Variants in SLC17A4 observed in about 807,000 individuals in gnomAD.
The protein encoded by SLC17A4 is solute carrier family 17 member 4, also known as probable small intestine urate exporter.
Under a neutral mutation model 52.5 loss-of-function variants are expected in SLC17A4, and 33 were observed. The ratio of observed to expected loss-of-function variants is 0.63; its 90% CI spans 0.48 to 0.84. SLC17A4 has a LOEUF of 0.84. Ranked by LOEUF, SLC17A4 falls within the 40% of genes least tolerant of loss-of-function variation. SLC17A4 has a pLI of 0.00. For synonymous variants in SLC17A4, 225 were observed against 216.2 expected, an observed-to-expected ratio of 1.04 and a Z score of -0.36; for missense variants, 585 against 597.1, an observed-to-expected ratio of 0.98 and a Z score of 0.21.
intron 2 of SLC17A4, among the ~76,000 whole-genome samples, chr6:25,763,018 T>A (rs1404416622): frequency 6.6e-6 from 1 of 152,234 alleles, no homozygotes; most frequent in Non-Finnish European, 1.5e-5. Flanking sequence ...ATCAGAATGC[T>A]TGAGTTTCCA....
In SLC17A4 at chr6:25,772,465, C is replaced by A. The variant is rs575103760; in HGVS notation, c.707-810C>A. 4.6e-4 allele frequency among the ~76,000 whole-genome samples: 70 copies of A among 152,130 alleles called. No homozygotes were observed. In the Middle Eastern group the frequency reaches 0.01, roughly 22 times the overall value. On this transcript the variant is annotated intron_variant, in intron 6 of 11. Transcript: ENST00000377905. ...TGTGAAGGAATTTGTAAATGACATG[C>A]TAGCCAAACAAAGAGAGCTCATAAG...
intron 1 of SLC17A4, among the ~76,000 whole-genome samples, chr6:25,761,048 G>A (rs192239716): frequency 6.6e-5 from 10 of 152,240 alleles, no homozygotes; most frequent in African/African-American, 2.2e-4. Context: ...GTAATTCTGT[G>A]TAATCTGTTT....
rs1158747843 is a variant in SLC17A4, at chr6:25,779,117, GT to G, written c.1427del (p.Phe476SerfsTer59). The stretch of plus-strand genomic sequence containing the variant: ...AGCTGCTGTTAACATATCGGGCCTG[GT>G]TTTCTACCTCATCTTTGGCCGAGCA... ...LSAAVNISGL[V>X]FYLIFGRADV... is the part of the protein sequence containing the mutation. On this transcript the variant is annotated frameshift_variant, in exon 12 of 12. Coordinates refer to ENST00000377905, the MANE Select transcript of SLC17A4 (RefSeq NM_005495.3). LOFTEE classifies it high-confidence loss of function. 6.2e-7 allele frequency: 1 copy of G among 1,613,806 alleles called. No homozygotes were observed. Among genetic ancestry groups the G allele is most frequent in the Non-Finnish European group, 8.5e-7 (1 of 1,179,854 alleles).
intron 7 of SLC17A4, 24 bp downstream of exon 7, chr6:25,773,417 A>G (rs943545693): frequency 6.2e-7 from 1 of 1,612,536 alleles, no homozygotes; most frequent in Non-Finnish European, 8.5e-7. Flanking sequence ...CTCCTCTGAC[A>G]TTTCTCTATG....
chr6:25,764,596 C>T (rs1024739849), intron 2 of SLC17A4, among the ~76,000 whole-genome samples: 3 of 152,212 alleles, frequency 2.0e-5, no homozygotes, highest in Admixed American at 6.5e-5. Context: ...AACTCCCATC[C>T]TTGAGGCAGG....
Position 25,779,108 on chromosome 6 carries a change from T to C in SLC17A4, c.1414T>C (p.Ser472Pro). ...CTTGCTTTCAGCTGCTGTTAACATATCGGGCCTGGTTTTCTACCTCATCTT... is the reference window on the plus strand; with the variant it reads ...CTTGCTTTCAGCTGCTGTTAACATACCGGGCCTGGTTTTCTACCTCATCTT... ...VFLLSAAVNI[S>P]GLVFYLIFGR... is the part of the protein sequence containing the mutation. The change falls in exon 12 of 12, where the codon TCG becomes CCG. Residue 472 changes from serine (S) to proline (P), a missense_variant. Physicochemically the swap from Ser to Pro is moderately conservative, Grantham distance 74 (BLOSUM62 -1). Coordinates refer to ENST00000377905, the MANE Select transcript of SLC17A4 (RefSeq NM_005495.3). 6.2e-7 allele frequency: 1 copy of C among 1,613,894 alleles called. No homozygotes were observed. The highest frequency in any genetic ancestry group is 1.3e-5 in the African/African-American group (1 of 75,032).
Position 25,777,912 on chromosome 6 carries a change from T to G in SLC17A4, c.1269-14T>G, listed in dbSNP as rs372421248. ...TATACTTGGTTATAATAGAGTACCA[T>G]CTCTCTCTCTCAGGTACACTGGCTT... On this transcript the variant is annotated splice_polypyrimidine_tract_variant and intron_variant, in intron 10 of 11. Transcript: ENST00000377905. 1 of 1,555,280 alleles carries G rather than the reference T, an allele frequency of 6.4e-7. No homozygotes were observed. The highest frequency in any genetic ancestry group is 1.4e-5 in the African/African-American group (1 of 73,570).
intron 1 of SLC17A4, among the ~76,000 whole-genome samples, chr6:25,761,318 C>G (rs977883207): frequency 3.3e-5 from 5 of 152,166 alleles, no homozygotes; most frequent in South Asian, 2.1e-4. Flanking sequence ...ATTAGAATCT[C>G]CCTTATAATC....
chr6:25,774,847 T>C (rs2151455029), intron 8 of SLC17A4, among the ~76,000 whole-genome samples: 1 of 152,336 alleles, frequency 6.6e-6, no homozygotes, highest in Middle Eastern at 3.4e-3. Flanking sequence ...CAAAGTCACA[T>C]AACCTTGACA....
In SLC17A4 at chr6:25,776,869, G is replaced by C. The variant is rs1241177534; in HGVS notation, c.1178G>C (p.Ser393Thr). 2.5e-6 allele frequency: 4 copies of C among 1,613,954 alleles called. No homozygotes were observed. Among genetic ancestry groups the C allele is most frequent in the Admixed American group, 1.7e-5 (1 of 59,986 alleles). The part of the protein sequence containing the change: ...VSLPWVRSSH[S>T]MTMTFLVLSS... The stretch of plus-strand genomic sequence containing the variant: ...CTGCCCTGGGTCAGATCCAGCCACA[G>C]CATGACCATGACCTTCTTGGTGCTG... The change falls in exon 10 of 12, where the codon AGC (serine) becomes ACC (threonine). Residue 393 changes from serine to threonine, a missense_variant. Coordinates refer to ENST00000377905, the MANE Select transcript of SLC17A4 (RefSeq NM_005495.3).
At chr6:25,778,137 T>C in intron 11 of SLC17A4, 121 bp downstream of exon 11, 1 of 644,070 alleles carries the variant, frequency 1.6e-6, no homozygotes, top group Non-Finnish European at 2.6e-6. Flanking sequence ...TAAACTAATT[T>C]ACATGATGAC....
chr6:25,769,150 A>T lies in SLC17A4; in HGVS notation c.257A>T (p.Gln86Leu). ...ASTERPSTDSQGYWNETLKEF... is the reference protein window; with the variant it reads ...ASTERPSTDSLGYWNETLKEF... ...ACAGAACGGCCCTCCACTGACTCCC[A>T]GGGCTACTGGAATGAAACTCTAAAA... Residue 86 changes from glutamine (Q) to leucine (L), a missense_variant, in exon 3 of 12, where the codon CAG becomes CTG. Coordinates refer to ENST00000377905, the MANE Select transcript of SLC17A4 (RefSeq NM_005495.3). 1.2e-6 allele frequency: 2 copies of T among 1,614,054 alleles called. No individual in the cohort carries two copies. The highest frequency in any genetic ancestry group is 1.7e-4 in the Middle Eastern group (1 of 6,060).
intron 2 of SLC17A4, among the ~76,000 whole-genome samples, chr6:25,762,277 T>C (rs1218529414): frequency 6.6e-6 from 1 of 152,186 alleles, no homozygotes; most frequent in Admixed American, 6.5e-5. Flanking sequence ...GCAGGTATCA[T>C]GACATTATTT....
In SLC17A4 at chr6:25,773,529, G is replaced by T. The variant is rs1198052978; in HGVS notation, c.842G>T (p.Trp281Leu). The change falls in exon 8 of 12, where the codon TGG (tryptophan) becomes TTG (leucine). Residue 281 changes from tryptophan to leucine, a missense_variant. Coordinates refer to ENST00000377905, the MANE Select transcript of SLC17A4 (RefSeq NM_005495.3). The stretch of plus-strand genomic sequence containing the variant: ...TTCTTCCAGGACTGTTCACCAGGCT[G>T]GTCTCTTCCCATTAGGGCTATGATC... ...SLAQQDCSPG[W>L]SLPIRAMIKS... 1 of 1,613,866 alleles carries T rather than the reference G, an allele frequency of 6.2e-7. No homozygotes were observed. The highest frequency in any genetic ancestry group is 1.7e-5 in the Admixed American group (1 of 59,970).
chr6:25,772,876 A>G lies in SLC17A4; in HGVS notation c.707-399A>G, dbSNP rs141877104. ...TCATTTCAAAACCTCCCAAAACTCAATGGTTTAAAACAATAATCATTTATT... is the reference window on the plus strand; with the variant it reads ...TCATTTCAAAACCTCCCAAAACTCAGTGGTTTAAAACAATAATCATTTATT... On this transcript the variant is annotated intron_variant, in intron 6 of 11. Coordinates refer to ENST00000377905, the MANE Select transcript of SLC17A4 (RefSeq NM_005495.3). Among the ~76,000 whole-genome samples, 1,481 of 152,276 alleles carry G rather than the reference A, an allele frequency of 9.7e-3. 13 individuals are homozygous for G. Among genetic ancestry groups the G allele is most frequent in the Non-Finnish European group, 0.016 (1,076 of 68,020 alleles).
chr6:25,769,921 T>A, intron 3 of SLC17A4, 146 bp from the exon 4 acceptor site: 1 of 708,714 alleles, frequency 1.4e-6, no homozygotes, highest in Non-Finnish European at 2.4e-6. Flanking sequence ...TTAGGGTTTT[T>A]AAATACATGA....
intron 1 of SLC17A4, among the ~76,000 whole-genome samples, chr6:25,757,795 A>T (rs933534805): frequency 3.3e-5 from 5 of 152,062 alleles, no homozygotes; most frequent in Non-Finnish European, 7.4e-5. Flanking sequence ...TGAATCCTTT[A>T]TTGTACCCCA....
chr6:25,774,028 A>G (rs1169106756), intron 8 of SLC17A4, among the ~76,000 whole-genome samples: 1 of 152,216 alleles, frequency 6.6e-6, no homozygotes, highest in Non-Finnish European at 1.5e-5. Context: ...TGCTGGCAGC[A>G]TAAATAATAA....
At chr6:25,757,560 C>A (rs115761610) in intron 1 of SLC17A4, among the ~76,000 whole-genome samples, 1 of 152,096 alleles carries the variant, frequency 6.6e-6, no homozygotes, top group Admixed American at 6.5e-5. Flanking sequence ...TGCCCCCCAA[C>A]CCGCTGCTCC....
Sources: allele counts gnomAD v4.1 joint callset (sites outside exome capture counted in the v4.1 genomes callset), GRCh38; gene constraint gnomAD v4.1.1; transcripts MANE v1.5; gene names NCBI Gene and HGNC (gene_info 2026-07-23, HGNC 2026-07-21).